SH3RF3: variants seen among roughly 807,000 people sequenced by gnomAD.
SH3RF3 encodes E3 ubiquitin-protein ligase SH3RF3.
In SH3RF3, 29 loss-of-function variants were observed where a neutral mutation model predicts 66.3. The observed-to-expected ratio is 0.44, with a 90% CI of 0.33 to 0.60. The LOEUF is 0.60. Among genes scored for constraint, SH3RF3 ranks in the 20% least tolerant of loss-of-function variants. SH3RF3 has a pLI of 0.04. For synonymous variants in SH3RF3, 583 were observed against 532.0 expected, an observed-to-expected ratio of 1.10 and a Z score of -1.32; for missense variants, 1,194 against 1,190.9, an observed-to-expected ratio of 1.00 and a Z score of -0.04.
intron 3 of SH3RF3, among the ~76,000 whole-genome samples, chr2:109,375,648 G>A (rs983266472): frequency 6.6e-6 from 1 of 152,248 alleles, no homozygotes. Context: ...AGGGCAGAGT[G>A]AACTCACAGG....
At chr2:109,191,821 C>T (rs1678374531) in intron 1 of SH3RF3, among the ~76,000 whole-genome samples, 1 of 152,202 alleles carries the variant, frequency 6.6e-6, no homozygotes, top group Non-Finnish European at 1.5e-5. Flanking sequence ...GAGGATTCCT[C>T]TTCTTTGTGG....
At chr2:109,288,691 G>T (rs1681095052) in intron 1 of SH3RF3, among the ~76,000 whole-genome samples, 1 of 152,204 alleles carries the variant, frequency 6.6e-6, no homozygotes, top group African/African-American at 2.4e-5. Flanking sequence ...TTTGCCGGGA[G>T]CCTGGGAGAT....
chr2:109,214,325 C>T (rs1679059245), intron 1 of SH3RF3, among the ~76,000 whole-genome samples: 1 of 152,106 alleles, frequency 6.6e-6, no homozygotes, highest in African/African-American at 2.4e-5. Flanking sequence ...CATTGCTACC[C>T]TGGCAGAGGA....
At chr2:109,498,945 G>A (rs934787061) in intron 9 of SH3RF3, among the ~76,000 whole-genome samples, 4 of 152,208 alleles carry the variant, frequency 2.6e-5, no homozygotes, top group African/African-American at 7.2e-5. Context: ...GGCGCGGCAG[G>A]GCAGAGCTGG....
intron 2 of SH3RF3, among the ~76,000 whole-genome samples, chr2:109,349,290 C>G (rs1682789127): frequency 6.6e-6 from 1 of 152,174 alleles, no homozygotes; most frequent in Admixed American, 6.5e-5. Flanking sequence ...AATGAATAAT[C>G]TATTTTTCAT....
intron 2 of SH3RF3, among the ~76,000 whole-genome samples, chr2:109,367,637 G>A (rs11674377): frequency 0.033 from 4,977 of 152,150 alleles, 111 homozygotes; most frequent in Middle Eastern, 0.051. Context: ...TTTCTCTCCT[G>A]TATCATTTTT....
At chr2:109,403,329 C>A (rs1450520055) in intron 4 of SH3RF3, among the ~76,000 whole-genome samples, 2 of 152,218 alleles carry the variant, frequency 1.3e-5, no homozygotes, top group African/African-American at 4.8e-5. Flanking sequence ...CTCCTCTGTC[C>A]TGGCTTGCAT....
chr2:109,233,757 T>C (rs1574519174), intron 1 of SH3RF3, among the ~76,000 whole-genome samples: 1 of 152,210 alleles, frequency 6.6e-6, no homozygotes, highest in South Asian at 2.1e-4. Flanking sequence ...AGCTTTCTGT[T>C]CCTGCCGTTT....
In SH3RF3 at chr2:109,419,577, C is replaced by A; in HGVS notation, c.1338C>A (p.Val446=). ...CGGCGGGATCTACCCCCACGGCTGTCCCACGGGCTGCCTCGGTGTCTGGAG... is the reference window on the plus strand; with the variant it reads ...CGGCGGGATCTACCCCCACGGCTGTACCACGGGCTGCCTCGGTGTCTGGAG... ...SSSAGSTPTA[V]PRAASVSGEQ... is the part of the protein sequence containing the mutation. Residue 446 remains valine, a synonymous_variant, in exon 5 of 10, where the codon GTC becomes GTA. Transcript: ENST00000309415. 6.3e-7 allele frequency: 1 copy of A among 1,599,014 alleles called. No individual in the cohort carries two copies. Among genetic ancestry groups the A allele is most frequent in the Non-Finnish European group, 8.5e-7 (1 of 1,173,806 alleles).
intron 2 of SH3RF3, among the ~76,000 whole-genome samples, chr2:109,361,559 C>T (rs957548597): frequency 3.1e-4 from 47 of 152,204 alleles, no homozygotes; most frequent in Middle Eastern, 3.4e-3. Flanking sequence ...TTGCAACCTC[C>T]GCCTCCCTGG....
intron 1 of SH3RF3, among the ~76,000 whole-genome samples, chr2:109,155,964 G>T (rs941196786): frequency 2.0e-5 from 3 of 152,194 alleles, no homozygotes; most frequent in Admixed American, 2.0e-4. Flanking sequence ...CATTCTGCAT[G>T]CTGTCACTGA....
intron 5 of SH3RF3, among the ~76,000 whole-genome samples, chr2:109,429,600 C>T (rs949572270): frequency 2.0e-5 from 3 of 152,152 alleles, no homozygotes; most frequent in Non-Finnish European, 4.4e-5. Flanking sequence ...CGGGCCACAC[C>T]TCTGTGCAAC....
At chr2:109,346,939 A>G (rs747121947) in intron 1 of SH3RF3, among the ~76,000 whole-genome samples, 4 of 152,146 alleles carry the variant, frequency 2.6e-5, no homozygotes, top group Admixed American at 6.5e-5. Context: ...GGGGTCTGTG[A>G]TGGCCGGGGA....
intron 8 of SH3RF3, among the ~76,000 whole-genome samples, chr2:109,488,156 G>A (rs533948534): frequency 3.5e-4 from 53 of 152,268 alleles, no homozygotes; most frequent in African/African-American, 1.1e-3. Context: ...TTCTGTCCCC[G>A]CATCCTGGCC....
intron 4 of SH3RF3, among the ~76,000 whole-genome samples, chr2:109,409,842 C>T (rs1676540455): frequency 6.6e-6 from 1 of 151,998 alleles, no homozygotes; most frequent in Non-Finnish European, 1.5e-5. Context: ...TGATTTACAC[C>T]CCGTGTAATG....
At chr2:109,428,515 C>A (rs899827178) in intron 5 of SH3RF3, among the ~76,000 whole-genome samples, 1 of 152,234 alleles carries the variant, frequency 6.6e-6, no homozygotes, top group Non-Finnish European at 1.5e-5. Flanking sequence ...TGGTGAGCCC[C>A]TGGCCCCATG....
At position 109,161,109 on chromosome 2, in the gene SH3RF3, G is replaced by A. The variant is rs148690430; in HGVS notation, c.573+30996G>A. Among the ~76,000 whole-genome samples the A allele has an allele frequency of 8.5e-5, 13 of 152,288 alleles. 1 individual carries two copies. The East Asian group carries it at 2.5e-3, about 29-fold the overall frequency. On this transcript the variant is annotated intron_variant, in intron 1 of 9. Coordinates refer to ENST00000309415, the MANE Select transcript of SH3RF3 (RefSeq NM_001099289.3). ...CGACTGTTCATTTAGAAGAGAAGCCGTTTGAGGCTTCCTGATGTATCCTTG... is the reference window on the plus strand; with the variant it reads ...CGACTGTTCATTTAGAAGAGAAGCCATTTGAGGCTTCCTGATGTATCCTTG...
rs147044561 is a variant in SH3RF3, at chr2:109,374,362, T to TG, written c.945+2682dup. On this transcript the variant is annotated intron_variant, in intron 3 of 9. Coordinates refer to ENST00000309415, the MANE Select transcript of SH3RF3 (RefSeq NM_001099289.3). ...AGGCTCCCGGACTCTCAGCAGCCACTGAAGACCAGCCTGAACAGGTGTTTC... is the reference window on the plus strand; with the variant it reads ...AGGCTCCCGGACTCTCAGCAGCCACTGGAAGACCAGCCTGAACAGGTGTTTC... Among the ~76,000 whole-genome samples, 1,127 of 152,342 alleles carry TG rather than the reference T, an allele frequency of 7.4e-3. 15 individuals are homozygous for TG. The highest frequency in any genetic ancestry group is 0.026 in the African/African-American group (1,078 of 41,584).
At chr2:109,366,422 A>G (rs1241859699) in intron 2 of SH3RF3, among the ~76,000 whole-genome samples, 1 of 152,272 alleles carries the variant, frequency 6.6e-6, no homozygotes. Context: ...CAAGATACAG[A>G]AAAGTGTGGT....
Sources: gnomAD v4.1 joint callset for allele counts (sites outside exome capture counted in the v4.1 genomes callset) on GRCh38, gnomAD v4.1.1 for gene constraint, MANE v1.5 for transcripts, NCBI Gene and HGNC (gene_info 2026-07-23, HGNC 2026-07-21) for gene names.